BAZ2B: variants seen among roughly 807,000 people sequenced by gnomAD.
BAZ2B encodes bromodomain adjacent to zinc finger domain protein 2B.
A neutral mutation model predicts 246.0 loss-of-function variants in BAZ2B; 91 were observed. The ratio of observed to expected loss-of-function variants is 0.37; its 90% CI spans 0.31 to 0.44. BAZ2B has a LOEUF of 0.44. Ranked by LOEUF, BAZ2B falls within the 20% of genes least tolerant of loss-of-function variation. The probability of loss-of-function intolerance (pLI) is 1.00; values close to 1 mark genes in which losing one functional copy is unlikely to be tolerated. For synonymous variants in BAZ2B, 855 were observed against 860.0 expected (o/e 0.99, Z 0.10); for missense variants, 2,332 against 2,533.7 (o/e 0.92, Z 1.71).
chr2:159,503,109 A>T (rs1341320298), intron 2 of BAZ2B, among the ~76,000 whole-genome samples: 1 of 151,726 alleles, frequency 6.6e-6, no homozygotes, highest in African/African-American at 2.4e-5. Context: ...TGTTTTTTTT[A>T]AAGCAGTAAT....
intron 1 of BAZ2B, among the ~76,000 whole-genome samples, chr2:159,593,757 A>G (rs188017617): frequency 1.4e-3 from 215 of 152,290 alleles, no homozygotes; most frequent in Non-Finnish European, 2.4e-3. Flanking sequence ...GATTGACAAA[A>G]CATAGTCATC....
At chr2:159,693,465 C>T in the BAZ2B span, 1 of 145,042 alleles carries the variant, frequency 6.9e-6, no homozygotes, top group South Asian at 2.1e-4. Context: ...CACCCTGCCT[C>T]CCAGGCTAAG....
the BAZ2B span, among the ~76,000 whole-genome samples, chr2:159,681,351 T>C: frequency 6.6e-6 from 1 of 150,604 alleles, no homozygotes. Context: ...GAATTCAAAT[T>C]CATCAAAAGA....
At chr2:159,675,413 C>T in the BAZ2B span, among the ~76,000 whole-genome samples, 39 of 151,968 alleles carry the variant, frequency 2.6e-4, 1 homozygote, top group Non-Finnish European at 1.5e-5. Flanking sequence ...AAGCTATTCA[C>T]TATTTCTGGT....
chr2:159,334,277 T>G (rs1575699160), intron 33 of BAZ2B, among the ~76,000 whole-genome samples: 3 of 152,280 alleles, frequency 2.0e-5, no homozygotes, highest in Admixed American at 2.0e-4. Flanking sequence ...ATTATAGTAA[T>G]AGCTCACAAT....
At chr2:159,688,224 T>C in the BAZ2B span, among the ~76,000 whole-genome samples, 2 of 151,942 alleles carry the variant, frequency 1.3e-5, no homozygotes, top group East Asian at 3.9e-4. Context: ...TAATTTTTAG[T>C]AGAGATGAGG....
chr2:159,349,198 G>A lies in BAZ2B; in HGVS notation c.4946C>T (p.Ser1649Leu). The A allele has an allele frequency of 6.2e-7, 1 of 1,614,028 alleles. No homozygotes were observed. The change falls in exon 29 of 37, where the codon TCA becomes TTA. Residue 1649 changes from serine to leucine, a missense_variant. Ser to Leu is a moderately radical substitution (Grantham distance 145). Coordinates refer to ENST00000392783, the MANE Select transcript of BAZ2B (RefSeq NM_013450.4). ...GVVTSNIPFT[S>L]SVPSLGSGLG... ...CCCCGATCCTAGACTAGGTACAGAT[G>A]ATGTAAATGGAATATTAGAAGTAAC...
the BAZ2B span, among the ~76,000 whole-genome samples, chr2:159,653,269 A>G: frequency 6.6e-6 from 1 of 152,182 alleles, no homozygotes; most frequent in South Asian, 2.1e-4. Context: ...AACCTCCCAC[A>G]GCACCTTTTT....
chr2:159,703,568 T>C, the BAZ2B span, among the ~76,000 whole-genome samples: 1 of 152,126 alleles, frequency 6.6e-6, no homozygotes, highest in Admixed American at 6.6e-5. Context: ...CTGAGTTAAA[T>C]ATCCTTTAAA....
At chr2:159,377,005 G>T (rs1278469872) in intron 25 of BAZ2B, among the ~76,000 whole-genome samples, 2 of 152,118 alleles carry the variant, frequency 1.3e-5, no homozygotes, top group African/African-American at 4.8e-5. Flanking sequence ...ACCTCTCACA[G>T]GCCAACTTGT....
intron 6 of BAZ2B, among the ~76,000 whole-genome samples, chr2:159,442,221 A>G (rs370366532): frequency 7.9e-5 from 12 of 152,200 alleles, no homozygotes; most frequent in African/African-American, 2.9e-4. Flanking sequence ...GCAAGAGCCA[A>G]TCACCCAAGG....
At chr2:159,400,998 G>A (rs1018110751) in intron 16 of BAZ2B, among the ~76,000 whole-genome samples, 1 of 151,938 alleles carries the variant, frequency 6.6e-6, no homozygotes, top group African/African-American at 2.4e-5. Context: ...CAGCCAAGAT[G>A]TGCCACTGCA....
chr2:159,703,860 G>A, the BAZ2B span, among the ~76,000 whole-genome samples: 1 of 152,098 alleles, frequency 6.6e-6, no homozygotes, highest in East Asian at 1.9e-4. Context: ...ACAAGACCCT[G>A]TCTCAAAAAA....
chr2:159,524,325 C>T (rs774712282), intron 2 of BAZ2B, among the ~76,000 whole-genome samples: 27 of 151,936 alleles, frequency 1.8e-4, no homozygotes, highest in Non-Finnish European at 1.6e-4. Flanking sequence ...CATGGTGGTG[C>T]GCGCCTGTTG....
At chr2:159,427,814 A>T (rs2070261729) in intron 13 of BAZ2B, 127 bp downstream of exon 13, 1 of 659,804 alleles carries the variant, frequency 1.5e-6, no homozygotes, top group Non-Finnish European at 2.5e-6. Flanking sequence ...CTTACCACAA[A>T]GTTATATGTA....
In BAZ2B at chr2:159,431,157, C is replaced by T; in HGVS notation, c.1901-1G>A. 1 of 1,598,624 alleles carries T rather than the reference C, an allele frequency of 6.3e-7. No individual in the cohort carries two copies. The highest frequency in any genetic ancestry group is 8.5e-7 in the Non-Finnish European group (1 of 1,172,040). Reference sequence around the variant, plus strand: ...TCTGATTCTGAATTACTATCTGATTCTGGGAAGTAAAAGAAGCATTTGTAT... The same window carrying T: ...TCTGATTCTGAATTACTATCTGATTTTGGGAAGTAAAAGAAGCATTTGTAT... On this transcript the variant is annotated splice_acceptor_variant, in intron 9 of 36. Coordinates refer to ENST00000392783, the MANE Select transcript of BAZ2B (RefSeq NM_013450.4). LOFTEE classifies it high-confidence loss of function.
intron 13 of BAZ2B, among the ~76,000 whole-genome samples, chr2:159,417,284 C>T (rs957904339): frequency 6.6e-6 from 1 of 151,382 alleles, no homozygotes; most frequent in Non-Finnish European, 1.5e-5. Context: ...GATTCTCCTG[C>T]CTCAGCCTCC....
intron 27 of BAZ2B, among the ~76,000 whole-genome samples, chr2:159,370,586 A>G (rs2060741245): frequency 1.3e-5 from 2 of 151,524 alleles, no homozygotes; most frequent in South Asian, 2.1e-4. Flanking sequence ...GTTAACCAGG[A>G]TGGTCTTGAT....
intron 6 of BAZ2B, chr2:159,444,665 T>G (rs1336831064): frequency 1.3e-5 from 2 of 152,218 alleles, no homozygotes; most frequent in African/African-American, 4.8e-5. Flanking sequence ...AGTTCAGATT[T>G]AAAGTTTGGA....
Sources: allele counts gnomAD v4.1 joint callset (sites outside exome capture counted in the v4.1 genomes callset), GRCh38; gene constraint gnomAD v4.1.1; transcripts MANE v1.5; gene names NCBI Gene and HGNC (gene_info 2026-07-23, HGNC 2026-07-21).